DOCK7: variants seen among roughly 807,000 people sequenced by gnomAD.
DOCK7 encodes the protein dedicator of cytokinesis 7, also known as dedicator of cytokinesis protein 7.
DOCK7 carries 138 observed loss-of-function variants against 271.0 expected under a neutral mutation model. That is an observed-to-expected ratio of 0.51 (90% CI 0.44 to 0.59). The LOEUF is 0.59. Ranked by LOEUF, DOCK7 falls within the 20% of genes least tolerant of loss-of-function variation. DOCK7 has a pLI of 0.00. For missense variants in DOCK7, 2,066 were observed against 2,592.4 expected (o/e 0.80, Z 4.41); for synonymous variants, 823 against 876.1 (o/e 0.94, Z 1.07).
intron 37 of DOCK7, among the ~76,000 whole-genome samples, chr1:62,503,441 ATT>A (rs34323888): frequency 1.4e-5 from 2 of 144,488 alleles, no homozygotes; most frequent in African/African-American, 2.5e-5. Context: ...AACATAAACA[ATT>A]TTTTTTTTTT....
chr1:62,631,108 C>T (rs1654575064), intron 11 of DOCK7, 132 bp downstream of exon 11: 2 of 665,516 alleles, frequency 3.0e-6, no homozygotes, highest in Non-Finnish European at 4.7e-6. Flanking sequence ...TTGCTTGAAC[C>T]CCGGTGGCAA....
intron 36 of DOCK7, among the ~76,000 whole-genome samples, chr1:62,505,408 G>A (rs1475671270): frequency 6.6e-6 from 1 of 152,064 alleles, no homozygotes; most frequent in Non-Finnish European, 1.5e-5. Flanking sequence ...TTTAAGATTG[G>A]CTATTAATTT....
chr1:62,545,434 T>C (rs1645671773), intron 22 of DOCK7, among the ~76,000 whole-genome samples: 1 of 152,108 alleles, frequency 6.6e-6, no homozygotes, highest in African/African-American at 2.4e-5. Flanking sequence ...AAACACTCCA[T>C]TCTTTGTTAT....
chr1:62,579,343 T>G (rs1311735607), intron 16 of DOCK7, among the ~76,000 whole-genome samples: 1 of 152,126 alleles, frequency 6.6e-6, no homozygotes, highest in Non-Finnish European at 1.5e-5. Context: ...CATTTTTCCT[T>G]CATAGGAGAA....
intron 31 of DOCK7, among the ~76,000 whole-genome samples, chr1:62,521,039 G>A (rs1197528747): frequency 6.6e-6 from 1 of 151,876 alleles, no homozygotes; most frequent in Non-Finnish European, 1.5e-5. Flanking sequence ...ACTCATAGGT[G>A]GGAGTCGAAC....
At chr1:62,588,527 C>T (rs1023251841) in intron 14 of DOCK7, among the ~76,000 whole-genome samples, 1 of 152,112 alleles carries the variant, frequency 6.6e-6, no homozygotes, top group Non-Finnish European at 1.5e-5. Context: ...ACTGATTGCA[C>T]CCCTGTAGTG....
At position 62,559,007 on chromosome 1, in the gene DOCK7, C is replaced by T; in HGVS notation, c.2413G>A (p.Val805Ile). The change falls in exon 20 of 50, where the codon GTC (valine) becomes ATC (isoleucine). Residue 805 changes from valine (V) to isoleucine (I), a missense_variant. Physicochemically the swap from Val to Ile is conservative, Grantham distance 29 (BLOSUM62 3). Transcript: ENST00000635253. ...KLILLVIRPP[V>I]IAGQIVNLGQ... ...AAATTACCTATTTGGCCAGCAATGA[C>T]AGGAGGTCTAATAACTAAAAGTATC... 1.2e-6 allele frequency: 2 copies of T among 1,611,402 alleles called. No individual in the cohort carries two copies. The highest frequency in any genetic ancestry group is 1.7e-6 in the Non-Finnish European group (2 of 1,178,374).
At chr1:62,619,829 T>A in intron 13 of DOCK7, 71 bp downstream of exon 13, 2 of 909,106 alleles carry the variant, frequency 2.2e-6, no homozygotes, top group Non-Finnish European at 1.7e-6. Flanking sequence ...AAAAGATACA[T>A]AATTATAAGC....
At chr1:62,473,541 A>G (rs1220220822) in intron 48 of DOCK7, among the ~76,000 whole-genome samples, 1 of 152,140 alleles carries the variant, frequency 6.6e-6, no homozygotes, top group Non-Finnish European at 1.5e-5. Context: ...TAAATTCTAC[A>G]CAGATTACTT....
chr1:62,577,015 T>C (rs1380047054), intron 18 of DOCK7, among the ~76,000 whole-genome samples: 4 of 152,190 alleles, frequency 2.6e-5, no homozygotes, highest in Non-Finnish European at 2.9e-5. Context: ...TTACATTCCA[T>C]GTATTATTTT....
intron 48 of DOCK7, among the ~76,000 whole-genome samples, chr1:62,462,420 G>A (rs2149233215): frequency 6.6e-6 from 1 of 152,368 alleles, no homozygotes; most frequent in Non-Finnish European, 1.5e-5. Context: ...AAGAGAGCAT[G>A]ACATTAGCTG....
intron 40 of DOCK7, among the ~76,000 whole-genome samples, chr1:62,494,008 C>T (rs1340006545): frequency 2.0e-5 from 3 of 152,122 alleles, no homozygotes; most frequent in South Asian, 2.1e-4. Flanking sequence ...AAGTATGTAA[C>T]GGATTACAAG....
At chr1:62,507,831 G>A (rs1646987297) in intron 35 of DOCK7, 131 bp downstream of exon 35, 8 of 736,926 alleles carry the variant, frequency 1.1e-5, no homozygotes, top group Non-Finnish European at 1.8e-5. Context: ...ATCTCAGAAT[G>A]CTTGGAACGA....
chr1:62,651,451 A>T (rs1333670410), intron 4 of DOCK7, among the ~76,000 whole-genome samples: 50 of 792 alleles, frequency 0.063, no homozygotes, highest in Non-Finnish European at 0.089. Flanking sequence ...AAGTATAATA[A>T]AAAAAAAAAA....
chr1:62,543,626 C>T, intron 24 of DOCK7, 30 bp downstream of exon 24: 1 of 1,486,844 alleles, frequency 6.7e-7, no homozygotes. Flanking sequence ...TTATTTTCCC[C>T]CTCTATGAAT....
intron 18 of DOCK7, among the ~76,000 whole-genome samples, chr1:62,573,975 G>A (rs1470289095): frequency 6.6e-6 from 1 of 152,076 alleles, no homozygotes; most frequent in Non-Finnish European, 1.5e-5. Context: ...CAGTTACAAG[G>A]AAGAAGAGTA....
At chr1:62,679,921 A>C (rs541412117) in intron 1 of DOCK7, among the ~76,000 whole-genome samples, 3 of 152,368 alleles carry the variant, frequency 2.0e-5, no homozygotes, top group Non-Finnish European at 4.4e-5. Flanking sequence ...TTCCATGCTC[A>C]TGGATAGGAA....
At position 62,475,325 on chromosome 1, in the gene DOCK7, A is replaced by G; in HGVS notation, c.5988T>C (p.Ala1996=). ...GTGTCTTTTTCTGCATGTCCTCAAT[A>G]GCAACTTCAATTGGTGTTAAGATGA... is the stretch of plus-strand genomic sequence containing the variant. ...EEIILTPIEV[A]IEDMQKKTQE... The change falls in exon 47 of 50, where the codon GCT becomes GCC. Residue 1996 remains alanine, a synonymous_variant. Transcript: ENST00000635253. 1 of 1,613,996 alleles carries G rather than the reference A, an allele frequency of 6.2e-7. No individual in the cohort carries two copies. The highest frequency in any genetic ancestry group is 1.1e-5 in the South Asian group (1 of 91,066).
At chr1:62,532,887 T>C (rs966307161) in intron 29 of DOCK7, among the ~76,000 whole-genome samples, 1 of 151,710 alleles carries the variant, frequency 6.6e-6, no homozygotes, top group Non-Finnish European at 1.5e-5. Context: ...GTGGCAGGAG[T>C]AGACAAGAGC....
Sources: gnomAD v4.1 joint callset for allele counts (sites outside exome capture counted in the v4.1 genomes callset) on GRCh38, gnomAD v4.1.1 for gene constraint, MANE v1.5 for transcripts, NCBI Gene and HGNC (gene_info 2026-07-23, HGNC 2026-07-21) for gene names.